Variants in SYNE3 observed in about 807,000 individuals in gnomAD.
The protein encoded by SYNE3 is spectrin repeat containing nuclear envelope family member 3.
A neutral mutation model predicts 111.2 loss-of-function variants in SYNE3; 100 were observed. The ratio of observed to expected loss-of-function variants is 0.90; its 90% CI spans 0.77 to 1.06. The LOEUF is 1.06. SYNE3 is among the 50% of genes least tolerant of loss of function. The pLI is 0.00. For missense variants in SYNE3, 1,160 were observed against 1,240.3 expected (o/e 0.94, Z 0.97); for synonymous variants, 547 against 533.9 (o/e 1.02, Z -0.34).
intron 1 of SYNE3, among the ~76,000 whole-genome samples, chr14:95,504,044 T>C (rs981534566): frequency 6.6e-6 from 1 of 152,238 alleles, no homozygotes; most frequent in Non-Finnish European, 1.5e-5. Context: ...TGCCTGTTTC[T>C]GTACAGCTGT....
chr14:95,513,431 G>A (rs541157294), intron 1 of SYNE3, among the ~76,000 whole-genome samples: 54 of 152,212 alleles, frequency 3.5e-4, no homozygotes, highest in Non-Finnish European at 6.8e-4. Flanking sequence ...TAGAGGGTTA[G>A]TAATAATAAA....
chr14:95,474,964 G>A (rs1168107920), intron 2 of SYNE3, among the ~76,000 whole-genome samples: 1 of 152,236 alleles, frequency 6.6e-6, no homozygotes, highest in East Asian at 1.9e-4. Context: ...TTGCAGATGG[G>A]AAAACTGAAG....
intron 8 of SYNE3, among the ~76,000 whole-genome samples, chr14:95,446,826 T>C (rs980650945): frequency 2.0e-5 from 3 of 152,102 alleles, no homozygotes; most frequent in African/African-American, 4.8e-5. Context: ...CCTGACCCCA[T>C]TCCCAGCCTA....
At chr14:95,465,736 A>C (rs1343058076) in intron 4 of SYNE3, among the ~76,000 whole-genome samples, 195 bp downstream of exon 4, 1 of 151,996 alleles carries the variant, frequency 6.6e-6, no homozygotes, top group Non-Finnish European at 1.5e-5. Context: ...GGGGAGGTAG[A>C]TGGGTGAGTA....
Position 95,439,083 on chromosome 14 carries a change from A to T in SYNE3, c.2326T>A (p.Ser776Thr). 2 of 1,614,202 alleles carry T rather than the reference A, an allele frequency of 1.2e-6. No homozygotes were observed. The highest frequency in any genetic ancestry group is 4.5e-5 in the East Asian group (2 of 44,876). ...TCCATGGGATTGATGAGAAATCCTG[A>T]CTTTGGGATGTTGTTGGTGAAAACC... ...KMVFTNNIPK[S>T]GFLINPMDPI... is the part of the protein sequence containing the mutation. Residue 776 changes from serine (S) to threonine (T), a missense_variant, in exon 14 of 18, where the codon TCA (serine) becomes ACA (threonine). By Grantham distance (58) the Ser-to-Thr change is moderately conservative. Transcript: ENST00000682763.
At chr14:95,421,630 A>G (rs2139343402) in intron 17 of SYNE3, among the ~76,000 whole-genome samples, 1 of 152,228 alleles carries the variant, frequency 6.6e-6, no homozygotes, top group South Asian at 2.1e-4. Flanking sequence ...GCACCCAATA[A>G]AGGCTCACTT....
At chr14:95,423,390 T>C (rs1885244686) in intron 17 of SYNE3, among the ~76,000 whole-genome samples, 3 of 152,154 alleles carry the variant, frequency 2.0e-5, no homozygotes, top group African/African-American at 7.2e-5. Context: ...GCTCTGCTCC[T>C]AGGATGGAGA....
intron 6 of SYNE3, 111 bp downstream of exon 6, chr14:95,455,266 G>A (rs1887342012): frequency 3.7e-6 from 3 of 819,232 alleles, no homozygotes; most frequent in East Asian, 5.6e-5. Context: ...GAGAAACAGA[G>A]TGAGTGTGCT....
Position 95,410,450 on chromosome 14 carries a change from C to T in SYNE3, c.*7376G>A, listed in dbSNP as rs1903404735. 6.6e-6 allele frequency: 1 copy of T among 152,242 alleles called. No homozygotes were observed. The highest frequency in any genetic ancestry group is 2.1e-4 in the South Asian group (1 of 4,824). 9.4% of individuals were successfully genotyped at this position (152,242 alleles called of 1,614,324 possible). ...GGAAAACATGTGACACAGTCCTGGC[C>T]AATGAGATGAGAACGGAAGTGGCTG... is the stretch of plus-strand genomic sequence containing the variant. On this transcript the variant is annotated 3_prime_UTR_variant, in exon 18 of 18. Transcript: ENST00000682763.
intron 1 of SYNE3, among the ~76,000 whole-genome samples, chr14:95,490,515 C>A (rs1235104880): frequency 6.6e-6 from 1 of 152,228 alleles, no homozygotes; most frequent in African/African-American, 2.4e-5. Context: ...AAATAACTTT[C>A]CCAAAAGCAT....
At chr14:95,484,457 T>C (rs1889435021) in intron 1 of SYNE3, among the ~76,000 whole-genome samples, 1 of 152,158 alleles carries the variant, frequency 6.6e-6, no homozygotes, top group Non-Finnish European at 1.5e-5. Context: ...CAGGGGCTGC[T>C]GGCAGTGTGG....
At chr14:95,419,582 A>G (rs1884958639) in intron 17 of SYNE3, among the ~76,000 whole-genome samples, 1 of 151,980 alleles carries the variant, frequency 6.6e-6, no homozygotes, top group South Asian at 2.1e-4. Flanking sequence ...TTCACCCTCC[A>G]GGGCACCAAA....
rs759531353 is a variant in SYNE3, at chr14:95,433,288, G to C, written c.2660C>G (p.Ser887Cys). The C allele has an allele frequency of 1.9e-6, 3 of 1,614,078 alleles. No individual in the cohort carries two copies. The highest frequency in any genetic ancestry group is 2.2e-5 in the South Asian group (2 of 91,082). The change falls in exon 16 of 18, where the codon TCC becomes TGC. Residue 887 changes from serine to cysteine, a missense_variant. By Grantham distance (112) the Ser-to-Cys change is moderately radical (BLOSUM62 -1). Coordinates refer to ENST00000682763, the MANE Select transcript of SYNE3 (RefSeq NM_152592.6). ...DLRYQWMLYK[S>C]KLKDSGHLLT... is the part of the protein sequence containing the mutation. ...CAGGTGGCCAGAGTCCTTCAGCTTG[G>C]ACTTGTACAGCATCCACTGGTAGCG... is the stretch of plus-strand genomic sequence containing the variant.
At chr14:95,439,294 C>T (rs1170409840) in intron 13 of SYNE3, 132 bp from the exon 14 acceptor site, 1 of 1,343,564 alleles carries the variant, frequency 7.4e-7, no homozygotes, top group Admixed American at 1.8e-5. Context: ...GAGAATGTTC[C>T]TGAGGCATGC....
intron 1 of SYNE3, among the ~76,000 whole-genome samples, chr14:95,486,363 C>T (rs1193709605): frequency 6.6e-6 from 1 of 152,002 alleles, no homozygotes; most frequent in African/African-American, 2.4e-5. Flanking sequence ...CCCCAGGCCA[C>T]CCCCCACCCC....
At chr14:95,451,959 A>G in intron 7 of SYNE3, 1 of 240,118 alleles carries the variant, frequency 4.2e-6, no homozygotes, top group Non-Finnish European at 7.9e-6. Flanking sequence ...TTGGGCCATC[A>G]CCCCTCCCCA....
Position 95,433,293 on chromosome 14 carries a change from G to A in SYNE3, c.2655C>T (p.Tyr885=), listed in dbSNP as rs765029810. Reference sequence around the variant, plus strand: ...GGCCAGAGTCCTTCAGCTTGGACTTGTACAGCATCCACTGGTAGCGCAGAT... The same window carrying A: ...GGCCAGAGTCCTTCAGCTTGGACTTATACAGCATCCACTGGTAGCGCAGAT... The part of the protein sequence containing the change: ...LEDLRYQWML[Y]KSKLKDSGHL... Residue 885 remains tyrosine, a synonymous_variant, in exon 16 of 18, where the codon TAC becomes TAT. Transcript: ENST00000682763. The A allele has an allele frequency of 6.2e-7, 1 of 1,614,126 alleles. No homozygotes were observed. Among genetic ancestry groups the A allele is most frequent in the Non-Finnish European group, 8.5e-7 (1 of 1,180,018 alleles).
At position 95,457,465 on chromosome 14, in the gene SYNE3, C is replaced by A; in HGVS notation, c.628-127G>T. ...GTGTGTTAGCAGGGGGTGCAACCAA[C>A]CTCTAGCCCTTTCTCTAGACACAAA... is the stretch of plus-strand genomic sequence containing the variant. On this transcript the variant is annotated intron_variant, in intron 4 of 17. Coordinates refer to ENST00000682763, the MANE Select transcript of SYNE3 (RefSeq NM_152592.6). 24 of 1,032,178 alleles carry A rather than the reference C, an allele frequency of 2.3e-5. No individual in the cohort carries two copies. The South Asian group carries it at 3.7e-4, about 16-fold the overall frequency. The allele number at this position is 1,032,178 out of a possible 1,614,324, so 63.9% of individuals were successfully genotyped here.
chr14:95,418,074 G>GT (rs1884850883), intron 17 of SYNE3, 48 bp from the exon 18 acceptor site: 3 of 1,595,938 alleles, frequency 1.9e-6, no homozygotes, highest in African/African-American at 2.7e-5. Context: ...GGCTCTGGTG[G>GT]TGGGGGGCAG....
Sources: gnomAD v4.1 joint callset for allele counts (sites outside exome capture counted in the v4.1 genomes callset) on GRCh38, gnomAD v4.1.1 for gene constraint, MANE v1.5 for transcripts, NCBI Gene and HGNC (gene_info 2026-07-23, HGNC 2026-07-21) for gene names.